MAGI1: variants seen among roughly 807,000 people sequenced by gnomAD.
MAGI1 encodes the protein membrane-associated guanylate kinase, WW and PDZ domain-containing protein 1.
A neutral mutation model predicts 139.9 loss-of-function variants in MAGI1; 58 were observed. The ratio of observed to expected loss-of-function variants is 0.41; its 90% CI spans 0.34 to 0.52. The LOEUF (loss-of-function observed/expected upper bound fraction) is 0.52. MAGI1 is among the 20% of genes least tolerant of loss of function. The probability of loss-of-function intolerance (pLI) is 0.12; values close to 1 mark genes in which losing one functional copy is unlikely to be tolerated. For synonymous variants in MAGI1, 812 were observed against 737.9 expected, an observed-to-expected ratio of 1.10 and a Z score of -1.63; for missense variants, 1,874 against 1,901.6, an observed-to-expected ratio of 0.99 and a Z score of 0.27.
chr3:65,458,476 T>A (rs1949549033), intron 5 of MAGI1, among the ~76,000 whole-genome samples: 1 of 152,080 alleles, frequency 6.6e-6, no homozygotes, highest in South Asian at 2.1e-4. Flanking sequence ...CCAGCATTTG[T>A]TATTGCCTGT....
intron 1 of MAGI1, among the ~76,000 whole-genome samples, chr3:65,756,783 T>G (rs2036599739): frequency 2.0e-5 from 3 of 151,952 alleles, no homozygotes; most frequent in Non-Finnish European, 1.5e-5. Context: ...GAGAATAGAG[T>G]TAAAATGAAA....
At position 65,844,627 on chromosome 3, in the gene MAGI1, T is replaced by C. The variant is rs527942626; in HGVS notation, c.313+193369A>G. 8.5e-5 allele frequency among the ~76,000 whole-genome samples: 13 copies of C among 152,274 alleles called. No homozygotes were observed. In the South Asian group the frequency reaches 2.1e-3, roughly 24 times the overall value. ...ACATCATGATCAACTGAGATCTTACTGAACCAGAATCCTAAATGGCATACT... is the reference window on the plus strand; with the variant it reads ...ACATCATGATCAACTGAGATCTTACCGAACCAGAATCCTAAATGGCATACT... On this transcript the variant is annotated intron_variant, in intron 1 of 22. Coordinates refer to ENST00000402939, the MANE Select transcript of MAGI1 (RefSeq NM_001033057.2).
chr3:65,470,154 C>A, intron 5 of MAGI1, 129 bp downstream of exon 5: 4 of 617,626 alleles, frequency 6.5e-6, no homozygotes, highest in South Asian at 2.2e-5. Flanking sequence ...CTTATTAAAC[C>A]TTATTAAAAA....
At chr3:65,454,028 G>A (rs1949213595) in intron 5 of MAGI1, among the ~76,000 whole-genome samples, 1 of 152,112 alleles carries the variant, frequency 6.6e-6, no homozygotes, top group African/African-American at 2.4e-5. Context: ...CTGGGGCCCT[G>A]CAGATTTGAA....
chr3:65,944,822 G>A (rs555811306), intron 1 of MAGI1, among the ~76,000 whole-genome samples: 1 of 152,214 alleles, frequency 6.6e-6, no homozygotes, highest in Non-Finnish European at 1.5e-5. Context: ...GTAGAGAGGT[G>A]GATAACCCAA....
intron 12 of MAGI1, among the ~76,000 whole-genome samples, chr3:65,407,624 G>C (rs1034662496): frequency 2.0e-5 from 3 of 152,144 alleles, no homozygotes; most frequent in South Asian, 4.1e-4. Context: ...GGTAAAAACT[G>C]TGCATAGAAT....
intron 1 of MAGI1, among the ~76,000 whole-genome samples, chr3:65,845,082 C>A (rs2058940642): frequency 6.6e-6 from 1 of 152,022 alleles, no homozygotes. Flanking sequence ...GAAACCCCGT[C>A]TCTATTAAAA....
At chr3:65,691,232 G>A (rs1478389743) in intron 1 of MAGI1, among the ~76,000 whole-genome samples, 1 of 150,520 alleles carries the variant, frequency 6.6e-6, no homozygotes, top group Non-Finnish European at 1.5e-5. Flanking sequence ...GAACCCGGGA[G>A]GAGGAGGTTG....
chr3:65,944,973 G>C (rs1420499153), intron 1 of MAGI1, among the ~76,000 whole-genome samples: 2 of 152,164 alleles, frequency 1.3e-5, no homozygotes, highest in African/African-American at 4.8e-5. Flanking sequence ...ATATTGCTGT[G>C]ATGGGGCATG....
chr3:65,851,552 C>T (rs2059203981), intron 1 of MAGI1, among the ~76,000 whole-genome samples: 1 of 152,004 alleles, frequency 6.6e-6, no homozygotes. Context: ...AGTTTCAGAC[C>T]AGCCCAGCTA....
At chr3:65,470,846 T>C (rs1178236431) in intron 4 of MAGI1, among the ~76,000 whole-genome samples, 1 of 152,158 alleles carries the variant, frequency 6.6e-6, no homozygotes, top group Admixed American at 6.5e-5. Context: ...CCTCATTCCA[T>C]AGGTATCATT....
intron 2 of MAGI1, among the ~76,000 whole-genome samples, chr3:65,519,702 A>G (rs1156393711): frequency 6.6e-6 from 1 of 152,198 alleles, no homozygotes; most frequent in Non-Finnish European, 1.5e-5. Flanking sequence ...GATTTTAAAG[A>G]GATCACTCCA....
Position 65,356,384 on chromosome 3 carries a change from A to G in MAGI1, c.4383T>C (p.Ser1461=), listed in dbSNP as rs1240784948. Residue 1461 remains serine (S), a synonymous_variant, in exon 23 of 23, where the codon AGT becomes AGC. Coordinates refer to ENST00000402939, the MANE Select transcript of MAGI1 (RefSeq NM_001033057.2). ...RPYKECSTDL[S]I Reference sequence around the variant, plus strand: ...TGGAATGTGACTCAGCGTCTCAGATACTGAGGTCGGTGCTACATTCTTTGT... The same window carrying G: ...TGGAATGTGACTCAGCGTCTCAGATGCTGAGGTCGGTGCTACATTCTTTGT... 6.3e-7 allele frequency: 1 copy of G among 1,583,204 alleles called. No individual in the cohort carries two copies. Among genetic ancestry groups the G allele is most frequent in the Non-Finnish European group, 8.5e-7 (1 of 1,169,878 alleles).
At chr3:65,974,584 G>T (rs2065175028) in intron 1 of MAGI1, among the ~76,000 whole-genome samples, 1 of 152,130 alleles carries the variant, frequency 6.6e-6, no homozygotes. Flanking sequence ...GCCTAGCTGG[G>T]TGGTTCTGGC....
intron 1 of MAGI1, among the ~76,000 whole-genome samples, chr3:65,815,584 A>T (rs1034414869): frequency 1.4e-4 from 21 of 152,338 alleles, no homozygotes; most frequent in African/African-American, 5.1e-4. Flanking sequence ...GTCAAATCAT[A>T]TAGTATTATC....
In MAGI1 at chr3:65,531,179, A is replaced by G. The variant is rs145697715; in HGVS notation, c.431-37548T>C. ...GACACAAAAAAAAAATCTGAAAAAA[A>G]TCAACCCCAAATGCTCCAATCCAGA... On this transcript the variant is annotated intron_variant, in intron 2 of 22. Coordinates refer to ENST00000402939, the MANE Select transcript of MAGI1 (RefSeq NM_001033057.2). Among the ~76,000 whole-genome samples, 730 of 152,114 alleles carry G rather than the reference A, an allele frequency of 4.8e-3. 7 individuals are homozygous for G. Among genetic ancestry groups the G allele is most frequent in the African/African-American group, 0.017 (704 of 41,506 alleles).
intron 1 of MAGI1, among the ~76,000 whole-genome samples, chr3:65,958,696 T>C (rs2064254857): frequency 6.7e-6 from 1 of 148,980 alleles, no homozygotes; most frequent in South Asian, 2.1e-4. Flanking sequence ...TGAGCAAAAA[T>C]ACACATTTAG....
intron 1 of MAGI1, among the ~76,000 whole-genome samples, chr3:65,852,271 C>A (rs1341629519): frequency 1.3e-5 from 2 of 152,164 alleles, no homozygotes; most frequent in East Asian, 3.9e-4. Flanking sequence ...AGTAGCATTG[C>A]TGTCTAGGAT....
chr3:65,484,698 G>C (rs926525525), intron 3 of MAGI1, among the ~76,000 whole-genome samples: 1 of 151,664 alleles, frequency 6.6e-6, no homozygotes, highest in Admixed American at 6.6e-5. Flanking sequence ...CATGTAAACT[G>C]TGCCCCCTTC....
Sources: gnomAD v4.1 joint callset for allele counts (sites outside exome capture counted in the v4.1 genomes callset) on GRCh38, gnomAD v4.1.1 for gene constraint, MANE v1.5 for transcripts, NCBI Gene and HGNC (gene_info 2026-07-23, HGNC 2026-07-21) for gene names.